The following TEX36 variants were observed in gnomAD, a reference collection of about 807,000 sequenced individuals.
TEX36 encodes testis-expressed protein 36.
A neutral mutation model predicts 13.6 loss-of-function variants in TEX36; 12 were observed. The ratio of observed to expected loss-of-function variants is 0.88; its 90% CI spans 0.56 to 1.43. The LOEUF (loss-of-function observed/expected upper bound fraction) is 1.43, where lower values mean the gene tolerates loss of function less well. TEX36 is among the 40% of genes most tolerant of loss of function. The probability of loss-of-function intolerance (pLI) is 0.00; values close to 1 mark genes in which losing one functional copy is unlikely to be tolerated. For synonymous variants in TEX36, 93 were observed against 83.0 expected, an observed-to-expected ratio of 1.12 and a Z score of -0.65; for missense variants, 224 against 228.3, an observed-to-expected ratio of 0.98 and a Z score of 0.12.
At chr10:125,616,910 G>T (rs1470147249), downstream of TEX36, among the ~76,000 whole-genome samples, 4 of 151,782 alleles carry the variant, frequency 2.6e-5, no homozygotes, top group Non-Finnish European at 5.9e-5. Context: ...TTATTAATGT[G>T]TGGGAGTCTA....
At chr10:125,615,954 T>C (rs932661356) in intron 3 of TEX36, among the ~76,000 whole-genome samples, 2 of 152,224 alleles carry the variant, frequency 1.3e-5, no homozygotes, top group Non-Finnish European at 2.9e-5. Flanking sequence ...ATTGCCACAA[T>C]TTCAGCTCCT....
intron 3 of TEX36, among the ~76,000 whole-genome samples, chr10:125,604,251 G>A (rs1846187159): frequency 6.6e-6 from 1 of 152,128 alleles, no homozygotes; most frequent in Non-Finnish European, 1.5e-5. Context: ...CGTATTGACA[G>A]CCCCTCCCCA....
At chr10:125,612,109 A>T (rs1405157439) in intron 3 of TEX36, among the ~76,000 whole-genome samples, 2 of 139,718 alleles carry the variant, frequency 1.4e-5, no homozygotes, top group South Asian at 2.3e-4. Context: ...TTTTTCAGAC[A>T]GAGTCTTGCT....
chr10:125,590,910 T>A (rs369326353), intron 3 of TEX36, among the ~76,000 whole-genome samples: 1 of 152,204 alleles, frequency 6.6e-6, no homozygotes, highest in African/African-American at 2.4e-5. Flanking sequence ...GTTGTTCTGT[T>A]GCACAGTTTA....
intron 1 of TEX36, chr10:125,667,095 G>T: frequency 9.8e-7 from 1 of 1,020,162 alleles, no homozygotes; most frequent in Non-Finnish European, 1.5e-6. Context: ...TGTTAATGGC[G>T]TTGAGGTTGA....
At chr10:125,643,745 C>CAA (rs771307242) in intron 3 of TEX36, among the ~76,000 whole-genome samples, 16 of 126,988 alleles carry the variant, frequency 1.3e-4, no homozygotes, top group Admixed American at 3.3e-4. Context: ...GACTCTGTCT[C>CAA]AAAAAAAAAA....
intron 3 of TEX36, among the ~76,000 whole-genome samples, chr10:125,587,126 A>G (rs566505797): frequency 6.6e-6 from 1 of 152,316 alleles, no homozygotes; most frequent in South Asian, 2.1e-4. Flanking sequence ...TACAGTTCAC[A>G]GAACTGTGAG....
At chr10:125,583,642 C>G (rs1013897705) in intron 3 of TEX36, among the ~76,000 whole-genome samples, 2 of 152,092 alleles carry the variant, frequency 1.3e-5, no homozygotes, top group Non-Finnish European at 2.9e-5. Flanking sequence ...TAGCAAAAAG[C>G]CCATCTATTT....
intron 1 of TEX36, among the ~76,000 whole-genome samples, chr10:125,675,908 T>C (rs1046038029): frequency 2.6e-5 from 4 of 152,254 alleles, no homozygotes; most frequent in African/African-American, 4.8e-5. Context: ...GTTTAATTCC[T>C]ATGTATTTGC....
chr10:125,640,428 A>T (rs1846674018), intron 3 of TEX36, among the ~76,000 whole-genome samples: 1 of 152,194 alleles, frequency 6.6e-6, no homozygotes, highest in Non-Finnish European at 1.5e-5. Flanking sequence ...CGTGAGTTAC[A>T]ATTTTATTCA....
At chr10:125,667,107 G>A (rs1847135828) in intron 1 of TEX36, 14 of 882,008 alleles carry the variant, frequency 1.6e-5, no homozygotes, top group South Asian at 1.6e-4. Flanking sequence ...TGAGGTTGAT[G>A]GATGCCTCCT....
At chr10:125,643,740 T>C (rs1030509433) in intron 3 of TEX36, among the ~76,000 whole-genome samples, 26 of 149,030 alleles carry the variant, frequency 1.7e-4, no homozygotes, top group African/African-American at 6.5e-4. Context: ...AGTGAGACTC[T>C]GTCTCAAAAA....
chr10:125,587,290 G>A (rs947801830), intron 3 of TEX36, among the ~76,000 whole-genome samples: 1 of 152,166 alleles, frequency 6.6e-6, no homozygotes, highest in South Asian at 2.1e-4. Context: ...GGAGTTCGGG[G>A]CCAGCCTGGG....
chr10:125,612,865 G>A (rs752232467), intron 3 of TEX36, among the ~76,000 whole-genome samples: 2 of 151,834 alleles, frequency 1.3e-5, no homozygotes, highest in Non-Finnish European at 2.9e-5. Flanking sequence ...TTTCATTTGG[G>A]TTGTAATTTT....
At chr10:125,678,722 A>G (rs1484780716) in intron 1 of TEX36, among the ~76,000 whole-genome samples, 1 of 152,114 alleles carries the variant, frequency 6.6e-6, no homozygotes, top group Non-Finnish European at 1.5e-5. Context: ...CATGGGGGCC[A>G]GCTGAGATGG....
chr10:125,621,190 C>T (rs1395130859), downstream of TEX36, among the ~76,000 whole-genome samples: 2 of 152,126 alleles, frequency 1.3e-5, no homozygotes, highest in African/African-American at 4.8e-5. Flanking sequence ...GAATAGCTAT[C>T]CAAAGAATAT....
Position 125,655,911 on chromosome 10 carries a change from G to A in TEX36, c.550C>T (p.Leu184=), listed in dbSNP as rs757707532. 2.5e-5 allele frequency: 38 copies of A among 1,524,676 alleles called. No individual in the cohort carries two copies. Among genetic ancestry groups the A allele is most frequent in the Non-Finnish European group, 5.3e-6 (6 of 1,133,634 alleles). The allele number at this position is 1,524,676 out of a possible 1,614,324, so 94.4% of individuals were successfully genotyped here. A position where few individuals can be genotyped will look rare whatever the true frequency, so the allele number is the denominator to read the frequency against. The part of the protein sequence containing the change: ...FTVDKKVVSS[L]ES ...ATCTTCTGGGAGGATTAGGACTCCA[G>A]TGAAGAAACAACCTTTTTGTCAACA... The change falls in exon 4 of 4, where the codon CTG becomes TTG. Residue 184 remains leucine (L), a synonymous_variant. Transcript: ENST00000368821.
intron 3 of TEX36, among the ~76,000 whole-genome samples, chr10:125,587,508 G>A (rs939123498): frequency 2.0e-5 from 3 of 151,984 alleles, no homozygotes; most frequent in South Asian, 2.1e-4. Context: ...CTTTATACAG[G>A]CCAGACCAGT....
intron 3 of TEX36, among the ~76,000 whole-genome samples, chr10:125,609,107 A>T (rs929966734): frequency 4.7e-5 from 7 of 150,360 alleles, no homozygotes. Context: ...GTGAGCCGAG[A>T]TGGTGCCACT....
Sources: allele counts gnomAD v4.1 joint callset (sites outside exome capture counted in the v4.1 genomes callset), GRCh38; gene constraint gnomAD v4.1.1; transcripts MANE v1.5; gene names NCBI Gene and HGNC (gene_info 2026-07-23, HGNC 2026-07-21).